The following RPS6KC1 variants were observed in gnomAD, a reference collection of about 807,000 sequenced individuals.
The protein encoded by RPS6KC1 is inactive ribosomal protein S6 kinase delta-1.
In RPS6KC1, 54 loss-of-function variants were observed where a neutral mutation model predicts 103.8. The observed-to-expected ratio is 0.52, with a 90% CI of 0.42 to 0.65. The LOEUF (loss-of-function observed/expected upper bound fraction) is 0.65, where lower values mean the gene tolerates loss of function less well. RPS6KC1 is among the 30% of genes least tolerant of loss of function. The pLI is 0.00. For synonymous variants in RPS6KC1, 439 were observed against 438.7 expected (o/e 1.00, Z -0.01); for missense variants, 1,151 against 1,253.8 (o/e 0.92, Z 1.24).
the RPS6KC1 span, among the ~76,000 whole-genome samples, chr1:213,360,328 C>G: frequency 6.6e-6 from 1 of 152,174 alleles, no homozygotes; most frequent in Non-Finnish European, 1.5e-5. Context: ...CACAGATACC[C>G]TTTCTTCCAG....
the RPS6KC1 span, among the ~76,000 whole-genome samples, chr1:213,797,271 C>T: frequency 6.6e-6 from 1 of 152,154 alleles, no homozygotes; most frequent in Non-Finnish European, 1.5e-5. Flanking sequence ...TCATGTAGAT[C>T]TAGATTTCTG....
At chr1:213,772,018 G>A in the RPS6KC1 span, among the ~76,000 whole-genome samples, 3 of 152,158 alleles carry the variant, frequency 2.0e-5, no homozygotes, top group Non-Finnish European at 2.9e-5. Context: ...GCCATTTATA[G>A]TACTTCTTTG....
intron 12 of RPS6KC1, among the ~76,000 whole-genome samples, chr1:213,251,259 A>G (rs899561002): frequency 2.0e-5 from 3 of 151,912 alleles, no homozygotes; most frequent in African/African-American, 7.3e-5. Flanking sequence ...GATGGCCACC[A>G]CCATGCCCTG....
the RPS6KC1 span, among the ~76,000 whole-genome samples, chr1:213,665,581 G>A: frequency 6.6e-6 from 1 of 152,160 alleles, no homozygotes; most frequent in African/African-American, 2.4e-5. Flanking sequence ...TTACTCATAT[G>A]TTCAAAAGGA....
the RPS6KC1 span, among the ~76,000 whole-genome samples, chr1:213,827,366 G>C: frequency 6.6e-6 from 1 of 152,192 alleles, no homozygotes; most frequent in Non-Finnish European, 1.5e-5. Flanking sequence ...GCTCACGGCT[G>C]TGGCCTTGCT....
the RPS6KC1 span, among the ~76,000 whole-genome samples, chr1:213,838,423 A>T: frequency 6.6e-6 from 1 of 152,098 alleles, no homozygotes; most frequent in East Asian, 1.9e-4. Context: ...TGGCCCTTCC[A>T]TCTTCTTTCC....
At chr1:213,329,277 A>T in the RPS6KC1 span, among the ~76,000 whole-genome samples, 5 of 152,142 alleles carry the variant, frequency 3.3e-5, no homozygotes, top group Non-Finnish European at 7.4e-5. Flanking sequence ...CAGGGGACCC[A>T]TGGAGTCACA....
intron 5 of RPS6KC1, among the ~76,000 whole-genome samples, chr1:213,119,273 C>T (rs568849540): frequency 1.7e-4 from 26 of 151,260 alleles, no homozygotes; most frequent in South Asian, 1.3e-3. Context: ...ATGGTGAAAC[C>T]CTGTCTCTAC....
the RPS6KC1 span, among the ~76,000 whole-genome samples, chr1:213,833,656 C>T: frequency 6.6e-6 from 1 of 152,142 alleles, no homozygotes. Flanking sequence ...TACATGGAAG[C>T]CTGGTAAATA....
the RPS6KC1 span, among the ~76,000 whole-genome samples, chr1:213,486,964 G>A: frequency 6.6e-6 from 1 of 152,166 alleles, no homozygotes; most frequent in African/African-American, 2.4e-5. Flanking sequence ...CTAGCTGAGT[G>A]GTCATCCCTG....
chr1:213,812,902 A>T, the RPS6KC1 span, among the ~76,000 whole-genome samples: 1 of 152,152 alleles, frequency 6.6e-6, no homozygotes, highest in Non-Finnish European at 1.5e-5. Context: ...TGAGTTGAGG[A>T]GGTTAAGAAA....
the RPS6KC1 span, among the ~76,000 whole-genome samples, chr1:213,684,618 C>G: frequency 6.6e-6 from 1 of 152,198 alleles, no homozygotes; most frequent in Non-Finnish European, 1.5e-5. Context: ...CTGACCTCAT[C>G]GCTTGGCTTT....
chr1:213,083,107 T>C (rs555736140), intron 3 of RPS6KC1, among the ~76,000 whole-genome samples: 16 of 152,254 alleles, frequency 1.1e-4, no homozygotes, highest in African/African-American at 3.4e-4. Flanking sequence ...TAAGTAATTA[T>C]ATATGCAGAA....
intron 4 of RPS6KC1, among the ~76,000 whole-genome samples, chr1:213,112,310 A>G (rs973284748): frequency 6.6e-6 from 1 of 152,152 alleles, no homozygotes; most frequent in African/African-American, 2.4e-5. Context: ...ACATAAAGCT[A>G]TAGCACAGCA....
At chr1:213,601,986 CTCTT>C in the RPS6KC1 span, among the ~76,000 whole-genome samples, 2 of 31,036 alleles carry the variant, frequency 6.4e-5, no homozygotes, top group Non-Finnish European at 1.3e-4. Context: ...CTTCCTCTCT[CTCTT>C]TCTTTCTTTT....
intron 4 of RPS6KC1, among the ~76,000 whole-genome samples, chr1:213,113,641 A>G (rs1275256254): frequency 2.0e-5 from 3 of 151,262 alleles, no homozygotes; most frequent in Non-Finnish European, 3.0e-5. Flanking sequence ...GCCCATGCCT[A>G]TGTCCTGAAT....
At chr1:213,353,250 C>T in the RPS6KC1 span, among the ~76,000 whole-genome samples, 4 of 152,172 alleles carry the variant, frequency 2.6e-5, no homozygotes, top group African/African-American at 9.6e-5. Context: ...ATGAATGCCT[C>T]GGTATGCTTC....
At chr1:213,425,316 A>G in the RPS6KC1 span, among the ~76,000 whole-genome samples, 3 of 152,220 alleles carry the variant, frequency 2.0e-5, no homozygotes, top group African/African-American at 7.2e-5. Flanking sequence ...TCGGACACCA[A>G]ATATTCTCGC....
the RPS6KC1 span, among the ~76,000 whole-genome samples, chr1:213,360,433 T>C: frequency 6.6e-6 from 1 of 152,216 alleles, no homozygotes; most frequent in Non-Finnish European, 1.5e-5. Context: ...CTTCTCTGCA[T>C]TGGTTATTCT....
Sources: gnomAD v4.1 joint callset for allele counts (sites outside exome capture counted in the v4.1 genomes callset) on GRCh38, gnomAD v4.1.1 for gene constraint, MANE v1.5 for transcripts, NCBI Gene and HGNC (gene_info 2026-07-23, HGNC 2026-07-21) for gene names.